PLXNA3: variants seen among roughly 807,000 people sequenced by gnomAD.
PLXNA3 encodes plexin-A3.
In PLXNA3, 52 loss-of-function variants were observed where a neutral mutation model predicts 118.8. The ratio of observed to expected loss-of-function variants is 0.44; its 90% CI spans 0.35 to 0.55. The LOEUF (loss-of-function observed/expected upper bound fraction) is 0.55. Among genes scored for constraint, PLXNA3 ranks in the 20% least tolerant of loss-of-function variants. The pLI is 0.01. For missense variants in PLXNA3, 1,660 were observed against 1,730.8 expected (o/e 0.96, Z 0.73); for synonymous variants, 925 against 762.4 (o/e 1.21, Z -3.51).
In PLXNA3 at chrX:154,468,976, G is replaced by C; in HGVS notation, c.4434+7G>C. 1 of 1,211,191 alleles carries C rather than the reference G, an allele frequency of 8.3e-7. No individual in the cohort carries two copies. Among genetic ancestry groups the C allele is most frequent in the Non-Finnish European group, 1.1e-6 (1 of 895,101 alleles). ...GATCGACTACAAGACACTGGTGAGC[G>C]CAGGGCCAGGCGGGCCAGAGGTAGG... On this transcript the variant is annotated splice_region_variant and intron_variant, in intron 25 of 32. Coordinates refer to ENST00000369682, the MANE Select transcript of PLXNA3 (RefSeq NM_017514.5).
chrX:154,462,189 A>C lies in PLXNA3; in HGVS notation c.1196A>C (p.His399Pro). The change falls in exon 4 of 33, where the codon CAT becomes CCT. Residue 399 changes from histidine to proline, a missense_variant. Coordinates refer to ENST00000369682, the MANE Select transcript of PLXNA3 (RefSeq NM_017514.5). ...LVLNQPLGGL[H>P]VIEGLPLLAD... is the part of the protein sequence containing the mutation. ...TTGAACCAGCCTCTGGGAGGCCTGC[A>C]TGTGATCGAGGGGCTGCCCCTGCTG... 1 of 1,205,132 alleles carries C rather than the reference A, an allele frequency of 8.3e-7. No homozygotes were observed. Among genetic ancestry groups the C allele is most frequent in the Non-Finnish European group, 1.1e-6 (1 of 892,099 alleles).
chrX:154,469,571 T>C, intron 27 of PLXNA3, 89 bp downstream of exon 27: 2 of 732,932 alleles, frequency 2.7e-6, no homozygotes, highest in Non-Finnish European at 3.9e-6. Flanking sequence ...GCAGTGGCCC[T>C]GGCTCCCCTC....
intron 32 of PLXNA3, 42 bp from the exon 33 acceptor site, chrX:154,472,548 G>GC: frequency 2.1e-6 from 2 of 936,768 alleles, no homozygotes; most frequent in Non-Finnish European, 3.1e-6. Flanking sequence ...CAGGAGCTGC[G>GC]CCCCCTACAG....
intron 32 of PLXNA3, among the ~76,000 whole-genome samples, chrX:154,472,066 C>T (rs926223255): frequency 9.0e-6 from 1 of 111,494 alleles, no homozygotes; most frequent in South Asian, 3.8e-4. Flanking sequence ...GGCCCAAACA[C>T]TGAGCCCAGG....
At chrX:154,469,305 C>T (rs960955437) in intron 26 of PLXNA3, 74 bp from the exon 27 acceptor site, 15 of 1,157,690 alleles carry the variant, frequency 1.3e-5, no homozygotes, top group Middle Eastern at 4.8e-4. Context: ...CACCTGAACC[C>T]TGTTTCCAAA....
chrX:154,460,781 C>T lies in PLXNA3; in HGVS notation c.594+4C>T, dbSNP rs782497416. The T allele has an allele frequency of 1.3e-5, 14 of 1,081,641 alleles. No individual in the cohort carries two copies. The highest frequency in any genetic ancestry group is 3.7e-5 in the African/African-American group (2 of 53,950). 89.1% of individuals were successfully genotyped at this position (1,081,641 alleles called of 1,213,427 possible). ...CAGCGCGGACATGTTCAGTCTCGTG[C>T]GTGAGCCTTCCTTCTCTTCTTCCTC... On this transcript the variant is annotated splice_donor_region_variant and intron_variant, in intron 2 of 32. Transcript: ENST00000369682.
At position 154,470,719 on chromosome X, in the gene PLXNA3, G is replaced by C. The variant is rs972806247; in HGVS notation, c.5156+108G>C. 3.3e-5 allele frequency: 25 copies of C among 766,026 alleles called. No homozygotes were observed. In the Admixed American group the frequency reaches 6.5e-4, roughly 20 times the overall value. 63.1% of individuals were successfully genotyped at this position (766,026 alleles called of 1,213,427 possible). ...CCTGGAGTAGCATCCAGGCAGGAGG[G>C]AATGAGGCCTGGCCTGGGGTTGACA... On this transcript the variant is annotated intron_variant, in intron 30 of 32. Coordinates refer to ENST00000369682, the MANE Select transcript of PLXNA3 (RefSeq NM_017514.5).
intron 30 of PLXNA3, 41 bp downstream of exon 30, chrX:154,470,652 C>T (rs373963757): frequency 1.7e-6 from 2 of 1,164,643 alleles, no homozygotes; most frequent in Non-Finnish European, 2.3e-6. Flanking sequence ...TGTCTGGAGA[C>T]TGGTGGGCGG....
In PLXNA3 at chrX:154,464,011, G is replaced by C; in HGVS notation, c.1608G>C (p.Leu536=). 1 of 1,207,225 alleles carries C rather than the reference G, an allele frequency of 8.3e-7. No homozygotes were observed. Among genetic ancestry groups the C allele is most frequent in the East Asian group, 3.0e-5 (1 of 33,629 alleles). The change falls in exon 7 of 33, where the codon CTG becomes CTC. Residue 536 remains leucine (L), a synonymous_variant. Transcript: ENST00000369682. ...ASAPHGFAEE[L]SKCVQVRVRP... ...CCCCACACGGCTTTGCTGAGGAGCTGAGCAAGTGTGTCCAGGTGCGGGTCC... is the reference window on the plus strand; with the variant it reads ...CCCCACACGGCTTTGCTGAGGAGCTCAGCAAGTGTGTCCAGGTGCGGGTCC...
At position 154,460,663 on chromosome X, in the gene PLXNA3, G is replaced by C. The variant is rs2068933650; in HGVS notation, c.480G>C (p.Gln160His). Residue 160 changes from glutamine to histidine, a missense_variant, in exon 2 of 33, where the codon CAG (glutamine) becomes CAC (histidine). Coordinates refer to ENST00000369682, the MANE Select transcript of PLXNA3 (RefSeq NM_017514.5). The stretch of plus-strand genomic sequence containing the variant: ...CTGGTGTCATTGTGGAGCAGGGCCA[G>C]GGGCCCAGCAAGCTGTTTGTGGGCA... The part of the protein sequence containing the change: ...SMAGVIVEQG[Q>H]GPSKLFVGTA... 8.6e-7 allele frequency: 1 copy of C among 1,165,861 alleles called. No individual in the cohort carries two copies. The highest frequency in any genetic ancestry group is 1.1e-6 in the Non-Finnish European group (1 of 873,508).
intron 4 of PLXNA3, 31 bp downstream of exon 4, chrX:154,462,341 T>C: frequency 9.4e-7 from 1 of 1,067,245 alleles, no homozygotes; most frequent in Non-Finnish European, 1.2e-6. Flanking sequence ...CATGTGGGGG[T>C]GGGGACAGTC....
chrX:154,462,006 T>TC (rs2068976443), intron 3 of PLXNA3, 122 bp from the exon 4 acceptor site: 1 of 569,356 alleles, frequency 1.8e-6, no homozygotes. Context: ...GGGCGAGCAG[T>TC]CAGTCCTGGC....
chrX:154,468,630 C>T (rs782539501), intron 23 of PLXNA3, 33 bp from the exon 24 acceptor site: 1 of 1,210,010 alleles, frequency 8.3e-7, no homozygotes, highest in Non-Finnish European at 1.1e-6. Context: ...AGCCCCACCC[C>T]TGCCAGGCCC....
Position 154,469,976 on chromosome X carries a change from G to C in PLXNA3, c.4796-1G>C. On this transcript the variant is annotated splice_acceptor_variant, in intron 28 of 32. Coordinates refer to ENST00000369682, the MANE Select transcript of PLXNA3 (RefSeq NM_017514.5). LOFTEE classifies it high-confidence loss of function. Reference sequence around the variant, plus strand: ...AGGGTCACATGCATTCTCTGCTCCAGAGAGCTTGCTCCGCACGGCCAGCAG... The same window carrying C: ...AGGGTCACATGCATTCTCTGCTCCACAGAGCTTGCTCCGCACGGCCAGCAG... 8.3e-7 allele frequency: 1 copy of C among 1,210,477 alleles called. No homozygotes were observed. The highest frequency in any genetic ancestry group is 1.1e-6 in the Non-Finnish European group (1 of 894,661).
At chrX:154,458,537 G>C (rs1429827918) in intron 1 of PLXNA3, 109 bp downstream of exon 1, 1 of 112,548 alleles carries the variant, frequency 8.9e-6, no homozygotes, top group Non-Finnish European at 1.9e-5. Flanking sequence ...CCCTATCCCT[G>C]CCCGTCGGCG....
At chrX:154,459,890 G>GCACA (rs1224315298) in intron 1 of PLXNA3, among the ~76,000 whole-genome samples, 1 of 113,188 alleles carries the variant, frequency 8.8e-6, no homozygotes, top group African/African-American at 3.2e-5. Flanking sequence ...TGGCATCTGG[G>GCACA]GTCCCAGTTC....
rs1354881333 is a variant in PLXNA3, at chrX:154,476,579, C to CA, written c.*3895dup. The CA allele has an allele frequency of 9.0e-6, 1 of 111,646 alleles. No individual in the cohort carries two copies. The highest frequency in any genetic ancestry group is 1.9e-5 in the Non-Finnish European group (1 of 53,090). 9.2% of individuals were successfully genotyped at this position (111,646 alleles called of 1,213,427 possible). ...AAAAGAGAGGGAGAGAGGAAAGTGT[C>CA]ATCTTCATAAGCTGAAGGCCAGTGC... On this transcript the variant is annotated 3_prime_UTR_variant, in exon 33 of 33. Transcript: ENST00000369682.
chrX:154,461,252 T>C lies in PLXNA3; in HGVS notation c.748T>C (p.Leu250=). The C allele has an allele frequency of 1.6e-6, 2 of 1,212,499 alleles. No homozygotes were observed. The highest frequency in any genetic ancestry group is 2.2e-6 in the Non-Finnish European group (2 of 895,540). The change falls in exon 3 of 33, where the codon TTG becomes CTG. Residue 250 remains leucine, a synonymous_variant. Transcript: ENST00000369682. ...TLQLDTQQTL[L]DTAGEKFFTS... is the part of the protein sequence containing the mutation. ...GCAGCTGGACACCCAGCAGACGCTG[T>C]TGGACACAGCGGGCGAGAAATTTTT... is the stretch of plus-strand genomic sequence containing the variant.
intron 5 of PLXNA3, 30 bp from the exon 6 acceptor site, chrX:154,463,560 T>TGGGGGGGGGGGGGGGGGG: frequency 3.2e-6 from 2 of 630,181 alleles, no homozygotes; most frequent in East Asian, 4.7e-5. Context: ...GGGGCGGGGG[T>TGGGGGGGGGGGGGGGGGG]GGGCTGGGTG....
Sources: allele counts gnomAD v4.1 joint callset (sites outside exome capture counted in the v4.1 genomes callset), GRCh38; gene constraint gnomAD v4.1.1; transcripts MANE v1.5; gene names NCBI Gene and HGNC (gene_info 2026-07-23, HGNC 2026-07-21).